The following L3MBTL2 variants were observed in gnomAD, a reference collection of about 807,000 sequenced individuals.
L3MBTL2 encodes L3MBTL histone methyl-lysine binding protein 2.
Under a neutral mutation model 86.4 loss-of-function variants are expected in L3MBTL2, and 49 were observed. That is an observed-to-expected ratio of 0.57 (90% CI 0.45 to 0.72). The LOEUF (loss-of-function observed/expected upper bound fraction) is 0.72, where lower values mean the gene tolerates loss of function less well. Among genes scored for constraint, L3MBTL2 ranks in the 30% least tolerant of loss-of-function variants. The pLI is 0.00. For missense variants in L3MBTL2, 755 were observed against 923.7 expected (o/e 0.82, Z 2.37); for synonymous variants, 336 against 350.6 (o/e 0.96, Z 0.47).
At position 41,227,800 on chromosome 22, in the gene L3MBTL2, A is replaced by G. The variant is rs765823990; in HGVS notation, c.1823-4A>G. ...TCTCTTTCACCCTTGTCTTTCAACA[A>G]CAGAACCGGCCACACCGCTGAAGGC... On this transcript the variant is annotated splice_region_variant and splice_polypyrimidine_tract_variant and intron_variant, in intron 14 of 16. Coordinates refer to ENST00000216237, the MANE Select transcript of L3MBTL2 (RefSeq NM_031488.5). This position sits in a 1 kb window ranked among gnomAD's most constrained non-coding sequence, Gnocchi z 6.0. 1.8e-5 allele frequency: 29 copies of G among 1,613,324 alleles called. No homozygotes were observed. Among genetic ancestry groups the G allele is most frequent in the Middle Eastern group, 1.6e-4 (1 of 6,072 alleles).
intron 1 of L3MBTL2, chr22:41,205,860 G>A (rs1482619673): frequency 6.0e-6 from 1 of 166,048 alleles, no homozygotes; most frequent in Non-Finnish European, 1.3e-5. Context: ...GAGGCTTAGA[G>A]GTGGTGCGAC....
At chr22:41,215,450 T>A (rs1418578874) in intron 3 of L3MBTL2, among the ~76,000 whole-genome samples, 1 of 152,214 alleles carries the variant, frequency 6.6e-6, no homozygotes, top group Non-Finnish European at 1.5e-5. Context: ...GAACTGGGAT[T>A]TGCCCTGTAG....
intron 1 of L3MBTL2, among the ~76,000 whole-genome samples, chr22:41,205,662 T>A (rs3804098): frequency 6.6e-6 from 1 of 152,250 alleles, no homozygotes; most frequent in East Asian, 1.9e-4. Context: ...CTCCTGAATC[T>A]TCCTTATCCT....
chr22:41,214,270 T>C, intron 3 of L3MBTL2: 1 of 369,708 alleles, frequency 2.7e-6, no homozygotes, highest in Non-Finnish European at 5.0e-6. Context: ...ATTCAGTACA[T>C]TTTAAACAAG....
Position 41,214,045 on chromosome 22 carries a change from G to A in L3MBTL2, c.396+19G>A. On this transcript the variant is annotated intron_variant, in intron 3 of 16. Coordinates refer to ENST00000216237, the MANE Select transcript of L3MBTL2 (RefSeq NM_031488.5). ...GTTACAGGTGAGAGGCAATCACTTG[G>A]ATCCTTCCCGGTGCCTTTGGTGCTG... 1 of 1,613,640 alleles carries A rather than the reference G, an allele frequency of 6.2e-7. No homozygotes were observed. Among genetic ancestry groups the A allele is most frequent in the Non-Finnish European group, 8.5e-7 (1 of 1,179,660 alleles).
intron 6 of L3MBTL2, 88 bp from the exon 7 acceptor site, chr22:41,220,646 A>G: frequency 2.1e-6 from 3 of 1,420,976 alleles, no homozygotes; most frequent in Non-Finnish European, 2.8e-6. Flanking sequence ...CGACAGAGCA[A>G]GACTTCGTCT....
At chr22:41,207,896 A>G (rs1223882383) in intron 1 of L3MBTL2, among the ~76,000 whole-genome samples, 11 of 149,924 alleles carry the variant, frequency 7.3e-5, no homozygotes, top group African/African-American at 2.7e-4. Context: ...CAGTGGTGCA[A>G]TCTCGGCTCA....
chr22:41,213,451 C>A, intron 2 of L3MBTL2, among the ~76,000 whole-genome samples: 1 of 115,982 alleles, frequency 8.6e-6, no homozygotes, highest in Non-Finnish European at 1.7e-5. Flanking sequence ...CCAAATCACA[C>A]CTGGCCTTTT....
In L3MBTL2 at chr22:41,209,911, G is replaced by T. The variant is rs2030578048; in HGVS notation, c.240G>T (p.Leu80Phe). 1 of 1,613,758 alleles carries T rather than the reference G, an allele frequency of 6.2e-7. No homozygotes were observed. Among genetic ancestry groups the T allele is most frequent in the African/African-American group, 1.3e-5 (1 of 74,908 alleles). ...TCAGCCCTGGGACTCCTCGCTCCTT[G>T]GATGGCAGTGGTTCTGAGCCAGGTG... is the stretch of plus-strand genomic sequence containing the variant. ...HLLSPGTPRSLDGSGSEPAVC... is the reference protein window; with the variant it reads ...HLLSPGTPRSFDGSGSEPAVC... The change falls in exon 2 of 17, where the codon TTG (leucine) becomes TTT (phenylalanine). Residue 80 changes from leucine to phenylalanine, a missense_variant. Around this residue, in one of 3 missense-constraint regions of L3MBTL2, gnomAD observed 103 missense variants for 105.2 expected, o/e 0.98. Coordinates refer to ENST00000216237, the MANE Select transcript of L3MBTL2 (RefSeq NM_031488.5).
chr22:41,219,391 C>G (rs758796733), intron 5 of L3MBTL2, 28 bp from the exon 6 acceptor site: 16 of 1,543,866 alleles, frequency 1.0e-5, no homozygotes, highest in East Asian at 9.0e-5. Context: ...TTAGCTCACT[C>G]TCTCGGTACA....
rs1416512702 is a variant in L3MBTL2 at position 41,227,316 on chromosome 22, G to A, written c.1815G>A (p.Val605=). The change falls in exon 14 of 17, where the codon GTG becomes GTA. Residue 605 remains valine, a synonymous_variant. Transcript: ENST00000216237. The surrounding 1 kb of genome is among the most constrained non-coding windows in gnomAD (Gnocchi z 6.0). ...CCGGCTACCAGCTCCAGCCTCCTGT[G>A]GCCGCAGGTGTGGGCTCTCGTGGCC... ...ELTGYQLQPP[V]AAEPATPLKA... is the part of the protein sequence containing the mutation. 1 of 1,598,074 alleles carries A rather than the reference G, an allele frequency of 6.3e-7. No homozygotes were observed. Among genetic ancestry groups the A allele is most frequent in the Non-Finnish European group, 8.5e-7 (1 of 1,172,606 alleles).
At chr22:41,226,011 T>A (rs929416276) in intron 12 of L3MBTL2, 70 bp downstream of exon 12, 1 of 1,511,438 alleles carries the variant, frequency 6.6e-7, no homozygotes, top group Non-Finnish European at 9.0e-7. Flanking sequence ...GCGCGGTGGC[T>A]CCCGCCTGTA....
At chr22:41,221,372 C>T (rs763614877) in intron 8 of L3MBTL2, 85 bp downstream of exon 8, 1 of 1,103,282 alleles carries the variant, frequency 9.1e-7, no homozygotes, top group Non-Finnish European at 1.3e-6. Flanking sequence ...GAGCATGTTA[C>T]CTAAGACCCC....
chr22:41,209,645 A>G (rs1350556290), intron 1 of L3MBTL2, 51 bp from the exon 2 acceptor site: 4 of 1,550,572 alleles, frequency 2.6e-6, no homozygotes, highest in Admixed American at 1.7e-5. Flanking sequence ...CCCCCCGTGC[A>G]CTAAAGCCAA....
chr22:41,216,377 C>T (rs574572078), intron 4 of L3MBTL2, 115 bp downstream of exon 4: 13 of 1,317,096 alleles, frequency 9.9e-6, no homozygotes, highest in Middle Eastern at 2.7e-4. Context: ...AGAAAGTGCC[C>T]TAAGTCAGGG....
chr22:41,216,066 C>T, intron 3 of L3MBTL2, 73 bp from the exon 4 acceptor site: 1 of 1,517,694 alleles, frequency 6.6e-7, no homozygotes. Flanking sequence ...CCCAGGACTT[C>T]AACTTGGCGG....
chr22:41,223,769 G>A (rs2031993793), intron 8 of L3MBTL2, among the ~76,000 whole-genome samples: 1 of 152,220 alleles, frequency 6.6e-6, no homozygotes, highest in African/African-American at 2.4e-5. Flanking sequence ...GGCAAGAAGT[G>A]GCATGCCCAC....
In L3MBTL2 at chr22:41,227,025, C is replaced by T. The variant is rs546336101; in HGVS notation, c.1588-64C>T. 6,014 of 1,430,386 alleles carry T rather than the reference C, an allele frequency of 4.2e-3. 12 individuals carry two copies. The highest frequency in any genetic ancestry group is 5.2e-3 in the Non-Finnish European group (5,461 of 1,045,948). The allele number at this position is 1,430,386 out of a possible 1,614,324, so 88.6% of individuals were successfully genotyped here. Reference sequence around the variant, plus strand: ...GCCAGTTCTTCAAGTGCCTCCGGGCCGGGGCAAGCCTGCTGGGGTAGGGAG... The same window carrying T: ...GCCAGTTCTTCAAGTGCCTCCGGGCTGGGGCAAGCCTGCTGGGGTAGGGAG... On this transcript the variant is annotated intron_variant, in intron 13 of 16. Coordinates refer to ENST00000216237, the MANE Select transcript of L3MBTL2 (RefSeq NM_031488.5). This position sits in a 1 kb window ranked among gnomAD's most constrained non-coding sequence, Gnocchi z 6.0.
At chr22:41,207,404 A>G (rs1013394611) in intron 1 of L3MBTL2, among the ~76,000 whole-genome samples, 1 of 150,894 alleles carries the variant, frequency 6.6e-6, no homozygotes, top group African/African-American at 2.4e-5. Flanking sequence ...TCCATTTTTT[A>G]TAGAGACAGG....
Sources: gnomAD v4.1 joint callset for allele counts (sites outside exome capture counted in the v4.1 genomes callset) on GRCh38, gnomAD v4.1.1 for gene constraint, gnomAD v4.1.1 regional missense constraint, Gnocchi (gnomAD v3.1) non-coding constraint, MANE v1.5 for transcripts, NCBI Gene and HGNC (gene_info 2026-07-23, HGNC 2026-07-21) for gene names.